Variants in LRRC66 observed in about 807,000 individuals in gnomAD.
The protein encoded by LRRC66 is leucine-rich repeat-containing protein 66.
A neutral mutation model predicts 24.6 loss-of-function variants in LRRC66; 29 were observed. That is an observed-to-expected ratio of 1.18 (90% CI 0.88 to 1.61). The LOEUF (loss-of-function observed/expected upper bound fraction) is 1.61. Among genes scored for constraint, LRRC66 ranks in the 40% most tolerant of loss-of-function variants. The pLI is 0.00. For missense variants in LRRC66, 1,124 were observed against 1,058.0 expected (o/e 1.06, Z -0.87); for synonymous variants, 411 against 397.6 (o/e 1.03, Z -0.40).
intron 2 of LRRC66, among the ~76,000 whole-genome samples, chr4:52,006,922 A>C (rs563924553): frequency 3.4e-4 from 52 of 152,252 alleles, no homozygotes; most frequent in Non-Finnish European, 6.2e-4. Flanking sequence ...TTGCCCAACA[A>C]CACCATGGTA....
chr4:51,995,549 G>T lies in LRRC66; in HGVS notation c.1473C>A (p.Cys491Ter). 6.2e-7 allele frequency: 1 copy of T among 1,614,150 alleles called. No homozygotes were observed. The highest frequency in any genetic ancestry group is 8.5e-7 in the Non-Finnish European group (1 of 1,180,022). Residue 491 changes from cysteine (C) to a stop codon, truncating the protein, a stop_gained, in exon 5 of 5, where the codon TGC (cysteine) becomes TGA (stop). Coordinates refer to ENST00000682860, the MANE Select transcript of LRRC66 (RefSeq NM_001024611.3). LOFTEE classifies it low-confidence loss of function (END_TRUNC). ...CACTTCCTGCCCCGGTGTTGTCCCC[G>T]CACTGTCCTGGGCTCTGCGAACTGC... is the stretch of plus-strand genomic sequence containing the variant. ...DPGSSQSPGQ[C>*]GDNTGAGSGN...
intron 1 of LRRC66, chr4:52,017,899 C>G (rs1736857499): frequency 2.0e-6 from 2 of 985,298 alleles, no homozygotes; most frequent in African/African-American, 1.7e-5. Context: ...ATCTGCTTTT[C>G]CAGTAGTTTT....
At chr4:52,006,722 TAATA>T (rs1736594152) in intron 2 of LRRC66, among the ~76,000 whole-genome samples, 1 of 16,822 alleles carries the variant, frequency 5.9e-5, no homozygotes, top group African/African-American at 6.6e-4. Context: ...ATAATAATAA[TAATA>T]AAGAAAAAAA....
At chr4:52,003,789 T>C (rs927815212) in intron 2 of LRRC66, among the ~76,000 whole-genome samples, 5 of 152,244 alleles carry the variant, frequency 3.3e-5, no homozygotes, top group African/African-American at 1.2e-4. Flanking sequence ...AAATGTTGTT[T>C]TGAACACTTT....
At chr4:52,002,479 G>A (rs1560558633) in intron 3 of LRRC66, among the ~76,000 whole-genome samples, 1 of 152,080 alleles carries the variant, frequency 6.6e-6, no homozygotes, top group Non-Finnish European at 1.5e-5. Flanking sequence ...CAAAGGGAAG[G>A]GTGTGGAGAA....
intron 2 of LRRC66, among the ~76,000 whole-genome samples, chr4:52,004,297 C>A (rs1217989570): frequency 6.6e-6 from 1 of 152,226 alleles, no homozygotes; most frequent in Non-Finnish European, 1.5e-5. Context: ...CATAAGCCGC[C>A]ACACCCGGTT....
In LRRC66 at chr4:51,995,085, T is replaced by C. The variant is rs767868627; in HGVS notation, c.1937A>G (p.Glu646Gly). Residue 646 changes from glutamate (E) to glycine (G), a missense_variant, in exon 5 of 5, where the codon GAG (glutamate) becomes GGG (glycine). Physicochemically the swap from Glu to Gly is moderately conservative, Grantham distance 98. Coordinates refer to ENST00000682860, the MANE Select transcript of LRRC66 (RefSeq NM_001024611.3). Reference protein sequence around the residue: ...QQPRLSGARAEEALSAHYSEV... With the variant: ...QQPRLSGARAGEALSAHYSEV... ...GCTGTAGTGGGCTGAAAGCGCTTCCTCAGCCCTTGCCCCGGACAGCCTTGG... is the reference window on the plus strand; with the variant it reads ...GCTGTAGTGGGCTGAAAGCGCTTCCCCAGCCCTTGCCCCGGACAGCCTTGG... The C allele has an allele frequency of 5.6e-6, 9 of 1,614,228 alleles. No homozygotes were observed. The highest frequency in any genetic ancestry group is 7.6e-6 in the Non-Finnish European group (9 of 1,180,044).
chr4:52,013,981 C>T (rs1032104423), intron 2 of LRRC66, among the ~76,000 whole-genome samples: 4 of 152,228 alleles, frequency 2.6e-5, no homozygotes, highest in Middle Eastern at 3.2e-3. Flanking sequence ...AGGCCGGGCA[C>T]GGTGGCTCAC....
intron 2 of LRRC66, among the ~76,000 whole-genome samples, chr4:52,012,953 A>G (rs1419198340): frequency 3.3e-5 from 5 of 152,224 alleles, no homozygotes; most frequent in African/African-American, 7.2e-5. Context: ...TGATAACCTG[A>G]TAACATAAAA....
At position 52,003,361 on chromosome 4, in the gene LRRC66, C is replaced by T. The variant is rs1362832399; in HGVS notation, c.528G>A (p.Leu176=). The T allele has an allele frequency of 1.2e-6, 2 of 1,613,254 alleles. No homozygotes were observed. Among genetic ancestry groups the T allele is most frequent in the Non-Finnish European group, 1.7e-6 (2 of 1,179,824 alleles). The change falls in exon 3 of 5, where the codon TTG becomes TTA. Residue 176 remains leucine (L), a synonymous_variant. Coordinates refer to ENST00000682860, the MANE Select transcript of LRRC66 (RefSeq NM_001024611.3). The part of the protein sequence containing the change: ...GLWKLKSLQS[L]DLSFNGILQI... The stretch of plus-strand genomic sequence containing the variant: ...GCAATATCCCATTGAATGACAGATC[C>T]AAACTCTGCAATGACTTCAGTTTCC...
chr4:51,997,359 A>G (rs955311615), intron 4 of LRRC66, among the ~76,000 whole-genome samples: 1 of 152,222 alleles, frequency 6.6e-6, no homozygotes, highest in South Asian at 2.1e-4. Context: ...ATTATTTGTT[A>G]GGAATTTGGA....
At chr4:52,013,421 G>A (rs2110202379) in intron 2 of LRRC66, among the ~76,000 whole-genome samples, 1 of 152,272 alleles carries the variant, frequency 6.6e-6, no homozygotes, top group Middle Eastern at 3.4e-3. Context: ...ACAAGATGTT[G>A]TTCCTGCTGC....
At chr4:52,001,769 A>G (rs1478591232) in intron 3 of LRRC66, among the ~76,000 whole-genome samples, 2 of 152,146 alleles carry the variant, frequency 1.3e-5, no homozygotes, top group Non-Finnish European at 2.9e-5. Flanking sequence ...CCTTCTACAG[A>G]AGAGGGACTC....
chr4:51,998,032 T>C, intron 3 of LRRC66, 95 bp from the exon 4 acceptor site: 1 of 1,052,224 alleles, frequency 9.5e-7, no homozygotes, highest in Non-Finnish European at 1.4e-6. Flanking sequence ...TATGTCTCTA[T>C]GGAGGCAATA....
rs763317245 is a variant in LRRC66 at position 51,994,571 on chromosome 4, C to A, written c.2451G>T (p.Glu817Asp). 1.2e-5 allele frequency: 19 copies of A among 1,614,066 alleles called. No homozygotes were observed. The South Asian group carries it at 1.5e-4, about 13-fold the overall frequency. Residue 817 changes from glutamate to aspartate, a missense_variant, in exon 5 of 5, where the codon GAG becomes GAT. Physicochemically the swap from Glu to Asp is conservative, Grantham distance 45 (BLOSUM62 2). Coordinates refer to ENST00000682860, the MANE Select transcript of LRRC66 (RefSeq NM_001024611.3). ...RSPGNSPLGD[E>D]FPGMFTYDYD... ...AATCATAAGTGAACATGCCCGGAAA[C>A]TCATCCCCTAAGGGACTATTCCCTG...
intron 2 of LRRC66, among the ~76,000 whole-genome samples, chr4:52,011,849 A>G (rs1736711364): frequency 6.6e-6 from 1 of 152,214 alleles, no homozygotes; most frequent in African/African-American, 2.4e-5. Flanking sequence ...GTTTAAGGTC[A>G]ACAAACAAGT....
intron 2 of LRRC66, among the ~76,000 whole-genome samples, chr4:52,012,352 T>C (rs963556227): frequency 2.0e-5 from 3 of 152,182 alleles, no homozygotes; most frequent in Non-Finnish European, 4.4e-5. Context: ...GGTAAACTTC[T>C]TCTGGAGATG....
In LRRC66 at chr4:52,017,469, T is replaced by TA; in HGVS notation, c.144dup (p.Thr49TyrfsTer5). ...TCCACAGGTATATCACACTTTCCGG[T>TA]AAAAGAACAATTTGTCAGAATATAT... On this transcript the variant is annotated frameshift_variant, in exon 2 of 5. Coordinates refer to ENST00000682860, the MANE Select transcript of LRRC66 (RefSeq NM_001024611.3). LOFTEE classifies it high-confidence loss of function. The TA allele has an allele frequency of 6.2e-7, 1 of 1,614,084 alleles. No individual in the cohort carries two copies. Among genetic ancestry groups the TA allele is most frequent in the Non-Finnish European group, 8.5e-7 (1 of 1,179,996 alleles).
chr4:52,002,859 C>T (rs2110196100), intron 3 of LRRC66, among the ~76,000 whole-genome samples: 1 of 152,268 alleles, frequency 6.6e-6, no homozygotes, highest in East Asian at 1.9e-4. Context: ...TGCATAAGAC[C>T]CCTGGGACCT....
Sources: allele counts gnomAD v4.1 joint callset (sites outside exome capture counted in the v4.1 genomes callset), GRCh38; gene constraint gnomAD v4.1.1; transcripts MANE v1.5; gene names NCBI Gene and HGNC (gene_info 2026-07-23, HGNC 2026-07-21).